ADAMTSL1: variants seen among roughly 807,000 people sequenced by gnomAD.
ADAMTSL1 encodes ADAMTS like 1, also known as ADAMTS-like protein 1.
Under a neutral mutation model 201.8 loss-of-function variants are expected in ADAMTSL1, and 126 were observed. The observed-to-expected ratio is 0.62, with a 90% CI of 0.54 to 0.72. The LOEUF (loss-of-function observed/expected upper bound fraction) is 0.72, where lower values mean the gene tolerates loss of function less well. Among genes scored for constraint, ADAMTSL1 ranks in the 30% least tolerant of loss-of-function variants. The pLI is 0.00. For missense variants in ADAMTSL1, 2,679 were observed against 2,277.8 expected, an observed-to-expected ratio of 1.18 and a Z score of -3.59; for synonymous variants, 1,121 against 903.4, an observed-to-expected ratio of 1.24 and a Z score of -4.32.
At chr9:18,453,277 C>T (rs1044299191) in intron 2 of ADAMTSL1, among the ~76,000 whole-genome samples, 1 of 152,124 alleles carries the variant, frequency 6.6e-6, no homozygotes, top group African/African-American at 2.4e-5. Context: ...GGTGACAAGC[C>T]TGTGGAGGGT....
At chr9:18,586,453 C>G (rs1823496337) in intron 4 of ADAMTSL1, among the ~76,000 whole-genome samples, 1 of 151,910 alleles carries the variant, frequency 6.6e-6, no homozygotes. Context: ...ATAACACAAA[C>G]AAATGAAAAA....
At chr9:18,812,007 AAAGTC>A (rs1260814772) in intron 20 of ADAMTSL1, among the ~76,000 whole-genome samples, 1 of 152,202 alleles carries the variant, frequency 6.6e-6, no homozygotes, top group Non-Finnish European at 1.5e-5. Context: ...AAAACACAAC[AAAGTC>A]AAGATGTCAT....
At chr9:18,259,895 T>A (rs1235768858) in intron 2 of ADAMTSL1, among the ~76,000 whole-genome samples, 2 of 152,224 alleles carry the variant, frequency 1.3e-5, no homozygotes, top group Non-Finnish European at 2.9e-5. Context: ...TTATGGTTGT[T>A]TCCTAGTCAC....
intron 2 of ADAMTSL1, among the ~76,000 whole-genome samples, chr9:18,311,100 AG>A (rs1385220917): frequency 6.6e-6 from 1 of 152,160 alleles, no homozygotes; most frequent in Non-Finnish European, 1.5e-5. Context: ...AAAGTAACAC[AG>A]GAACAGAAAA....
intron 7 of ADAMTSL1, among the ~76,000 whole-genome samples, chr9:18,642,654 A>G (rs1438336278): frequency 6.6e-6 from 1 of 151,974 alleles, no homozygotes; most frequent in Non-Finnish European, 1.5e-5. Context: ...TTTAGATTTG[A>G]CACAGAAGTA....
intron 1 of ADAMTSL1, among the ~76,000 whole-genome samples, chr9:18,476,469 T>C (rs1427840738): frequency 1.3e-5 from 2 of 152,152 alleles, no homozygotes; most frequent in South Asian, 2.1e-4. Context: ...ATCTTGATCA[T>C]TAAAGATATG....
chr9:18,642,901 T>C (rs1340934960), intron 7 of ADAMTSL1, among the ~76,000 whole-genome samples: 2 of 152,064 alleles, frequency 1.3e-5, no homozygotes, highest in Admixed American at 6.6e-5. Context: ...AGAGTGTAGA[T>C]ATCTCTTCAA....
At chr9:18,377,183 T>C (rs1485981959) in intron 2 of ADAMTSL1, among the ~76,000 whole-genome samples, 1 of 152,214 alleles carries the variant, frequency 6.6e-6, no homozygotes, top group Non-Finnish European at 1.5e-5. Context: ...CTCGCGTCAT[T>C]TACTAGCTGT....
intron 1 of ADAMTSL1, among the ~76,000 whole-genome samples, chr9:18,043,325 A>G (rs1259871054): frequency 6.6e-6 from 1 of 152,126 alleles, no homozygotes; most frequent in Non-Finnish European, 1.5e-5. Flanking sequence ...TAGTTGGGAA[A>G]AAATGCCCAA....
intron 2 of ADAMTSL1, among the ~76,000 whole-genome samples, chr9:18,294,172 G>A (rs536950695): frequency 7.9e-5 from 12 of 152,122 alleles, no homozygotes; most frequent in South Asian, 2.1e-4. Context: ...GCCAAAAATC[G>A]TCTGATTCCC....
intron 2 of ADAMTSL1, among the ~76,000 whole-genome samples, chr9:18,221,644 C>T (rs538139402): frequency 5.9e-5 from 9 of 152,024 alleles, no homozygotes; most frequent in East Asian, 1.9e-4. Context: ...TTTAGTTCTA[C>T]GTATTTTCTA....
chr9:18,574,142 A>C lies in ADAMTSL1; in HGVS notation c.350A>C (p.Asn117Thr). The C allele has an allele frequency of 6.2e-7, 1 of 1,614,056 alleles. No homozygotes were observed. Among genetic ancestry groups the C allele is most frequent in the Non-Finnish European group, 8.5e-7 (1 of 1,179,982 alleles). Residue 117 changes from asparagine (N) to threonine (T), a missense_variant, in exon 4 of 29, where the codon AAC becomes ACC. Coordinates refer to ENST00000380548, the MANE Select transcript of ADAMTSL1 (RefSeq NM_001040272.6). ...CTTCCTGTGTCTAATGACCCTGACA[A>C]CCCATGTTCACTCAAGTGCCAAGCC... ...EWLPVSNDPD[N>T]PCSLKCQAKG...
intron 9 of ADAMTSL1, among the ~76,000 whole-genome samples, chr9:18,667,897 T>A (rs7045855): frequency 8.9e-4 from 136 of 152,268 alleles, no homozygotes; most frequent in African/African-American, 3.1e-3. Context: ...TCAGATTTTT[T>A]TAAATATAAT....
intron 2 of ADAMTSL1, among the ~76,000 whole-genome samples, chr9:18,261,877 A>C (rs964077866): frequency 6.6e-6 from 1 of 152,184 alleles, no homozygotes; most frequent in Non-Finnish European, 1.5e-5. Flanking sequence ...GGGGTGACAA[A>C]ACAGTTTCTA....
chr9:18,658,881 T>C (rs1828882407), intron 8 of ADAMTSL1, among the ~76,000 whole-genome samples: 1 of 152,246 alleles, frequency 6.6e-6, no homozygotes, highest in Non-Finnish European at 1.5e-5. Context: ...ATTTTCTTGG[T>C]ATAAATACTC....
At chr9:18,304,748 A>G (rs73428953) in intron 2 of ADAMTSL1, among the ~76,000 whole-genome samples, 10,398 of 152,040 alleles carry the variant, frequency 0.068, 1,133 homozygotes, top group African/African-American at 0.23. Context: ...TGTTACTTGT[A>G]TGGAGTTGAG....
At chr9:17,913,437 TA>T (rs1368503611) in intron 1 of ADAMTSL1, among the ~76,000 whole-genome samples, 1 of 152,170 alleles carries the variant, frequency 6.6e-6, no homozygotes, top group East Asian at 1.9e-4. Context: ...GATTCCTAGG[TA>T]TTTTATTCTC....
Position 18,620,023 on chromosome 9 carries a change from T to A in ADAMTSL1, c.475-2220T>A, listed in dbSNP as rs1428877266. On this transcript the variant is annotated intron_variant, in intron 4 of 28. Coordinates refer to ENST00000380548, the MANE Select transcript of ADAMTSL1 (RefSeq NM_001040272.6). ...AGGTTATCAGTTTTCTGATTTTTTT[T>A]TTTTTTTTTTTTTTTGGCCAACTTG... is the stretch of plus-strand genomic sequence containing the variant. Among the ~76,000 whole-genome samples the A allele has an allele frequency of 5.3e-5, 8 of 150,156 alleles. No individual in the cohort carries two copies. The South Asian group carries it at 1.3e-3, about 24-fold the overall frequency.
At chr9:18,571,944 G>T (rs1004848292) in intron 3 of ADAMTSL1, among the ~76,000 whole-genome samples, 1 of 152,130 alleles carries the variant, frequency 6.6e-6, no homozygotes, top group African/African-American at 2.4e-5. Flanking sequence ...TATAATCCCA[G>T]CACTTTGAGA....
Sources: gnomAD v4.1 joint callset for allele counts (sites outside exome capture counted in the v4.1 genomes callset) on GRCh38, gnomAD v4.1.1 for gene constraint, MANE v1.5 for transcripts, NCBI Gene and HGNC (gene_info 2026-07-23, HGNC 2026-07-21) for gene names.